Variants in NRXN3 observed in about 807,000 individuals in gnomAD.
NRXN3 encodes the protein neurexin III.
NRXN3 carries 32 observed loss-of-function variants against 137.6 expected under a neutral mutation model. That is an observed-to-expected ratio of 0.23 (90% confidence interval 0.18 to 0.31). NRXN3 has a LOEUF of 0.31. NRXN3 is among the 10% of genes least tolerant of loss of function. The pLI, the probability that NRXN3 is intolerant of heterozygous loss-of-function variation, is 1.00. For synonymous variants in NRXN3, 798 were observed against 784.5 expected (o/e 1.02, Z -0.29); for missense variants, 1,574 against 2,062.5 (o/e 0.76, Z 4.59).
intron 4 of NRXN3, among the ~76,000 whole-genome samples, chr14:78,332,465 G>A (rs1445381632): frequency 4.6e-5 from 7 of 152,008 alleles, no homozygotes; most frequent in Middle Eastern, 3.4e-3. Flanking sequence ...ACAGGTGTGC[G>A]CTACCGCACC....
At chr14:79,225,193 A>G (rs992493781) in intron 15 of NRXN3, among the ~76,000 whole-genome samples, 1 of 152,194 alleles carries the variant, frequency 6.6e-6, no homozygotes, top group African/African-American at 2.4e-5. Flanking sequence ...TGTTGCTGCC[A>G]GTTTCTATCT....
chr14:79,488,682 G>T (rs1188057404), intron 16 of NRXN3, among the ~76,000 whole-genome samples: 1 of 152,100 alleles, frequency 6.6e-6, no homozygotes, highest in Non-Finnish European at 1.5e-5. Flanking sequence ...GCAAGAATTG[G>T]GTCATTGACC....
intron 15 of NRXN3, among the ~76,000 whole-genome samples, chr14:79,221,851 G>T (rs532263058): frequency 7.2e-5 from 11 of 152,236 alleles, no homozygotes; most frequent in Admixed American, 2.0e-4. Flanking sequence ...GAATGGTATT[G>T]CCTAAGTTTT....
At chr14:79,358,617 G>GA (rs564688053) in intron 15 of NRXN3, among the ~76,000 whole-genome samples, 91 of 133,614 alleles carry the variant, frequency 6.8e-4, no homozygotes, top group Non-Finnish European at 1.3e-3. Context: ...GAGAAAGAAA[G>GA]AAAGAAAGAA....
chr14:79,467,081 G>A lies in NRXN3; in HGVS notation c.3263-140G>A, dbSNP rs563685543. Reference sequence around the variant, plus strand: ...GCTGCCTTCAGAAGCTTTGGGAGCCGTTCCTCTCAGTAACCAAATACTGTC... The same window carrying A: ...GCTGCCTTCAGAAGCTTTGGGAGCCATTCCTCTCAGTAACCAAATACTGTC... On this transcript the variant is annotated intron_variant, in intron 15 of 20. Coordinates refer to ENST00000335750, the MANE Select transcript of NRXN3 (RefSeq NM_001330195.2). The A allele has an allele frequency of 7.5e-5, 53 of 705,176 alleles. No individual in the cohort carries two copies. In the South Asian group the frequency reaches 1.0e-3, roughly 14 times the overall value. The allele number at this position is 705,176 out of a possible 1,614,324, so 43.7% of individuals were successfully genotyped here.
chr14:78,628,803 A>G (rs1450354396), intron 4 of NRXN3, among the ~76,000 whole-genome samples: 1 of 152,220 alleles, frequency 6.6e-6, no homozygotes, highest in Non-Finnish European at 1.5e-5. Flanking sequence ...TAGCAGCCAC[A>G]GAAGCCCTAG....
intron 14 of NRXN3, among the ~76,000 whole-genome samples, chr14:78,969,639 C>T (rs538735522): frequency 6.6e-6 from 1 of 152,284 alleles, no homozygotes; most frequent in African/African-American, 2.4e-5. Flanking sequence ...TAAAAGCTTC[C>T]TGTCAGCTTA....
chr14:78,304,312 AAAG>A (rs2077153327), intron 4 of NRXN3, among the ~76,000 whole-genome samples: 2 of 152,254 alleles, frequency 1.3e-5, no homozygotes, highest in Non-Finnish European at 2.9e-5. Context: ...TTGTCAGAGA[AAAG>A]AAGGACTATG....
intron 4 of NRXN3, among the ~76,000 whole-genome samples, chr14:78,519,776 G>A (rs1350547164): frequency 2.0e-5 from 3 of 151,972 alleles, no homozygotes; most frequent in African/African-American, 7.2e-5. Flanking sequence ...GGTAAATCAA[G>A]GAAATAAAGG....
intron 20 of NRXN3, among the ~76,000 whole-genome samples, chr14:79,825,570 A>G (rs1281151406): frequency 6.6e-6 from 1 of 152,182 alleles, no homozygotes; most frequent in African/African-American, 2.4e-5. Context: ...GGAAGTGAGA[A>G]ATTTAAGAAG....
intron 15 of NRXN3, among the ~76,000 whole-genome samples, chr14:79,373,344 A>G (rs2094166590): frequency 6.6e-6 from 1 of 152,222 alleles, no homozygotes; most frequent in Non-Finnish European, 1.5e-5. Flanking sequence ...CTGAATAAAA[A>G]GCAATCCCAG....
At chr14:79,037,506 G>A (rs1191998489) in intron 15 of NRXN3, among the ~76,000 whole-genome samples, 1 of 152,022 alleles carries the variant, frequency 6.6e-6, no homozygotes, top group Non-Finnish European at 1.5e-5. Flanking sequence ...ACTTAAAATC[G>A]GGGTGAAGCA....
chr14:78,950,653 G>A (rs1464570247), intron 10 of NRXN3, among the ~76,000 whole-genome samples: 1 of 151,682 alleles, frequency 6.6e-6, no homozygotes, highest in Non-Finnish European at 1.5e-5. Flanking sequence ...AAGAAGGAAG[G>A]AAGGAAAAAA....
intron 16 of NRXN3, among the ~76,000 whole-genome samples, chr14:79,568,191 C>T (rs1168710360): frequency 1.3e-5 from 2 of 152,132 alleles, no homozygotes; most frequent in Non-Finnish European, 2.9e-5. Flanking sequence ...CTCTTGTGTC[C>T]GCTCAGCTAT....
intron 4 of NRXN3, among the ~76,000 whole-genome samples, chr14:78,396,185 C>T (rs2153648005): frequency 6.6e-6 from 1 of 152,158 alleles, no homozygotes; most frequent in East Asian, 1.9e-4. Flanking sequence ...ACATGCCACA[C>T]ACACTCACAC....
chr14:78,795,855 G>GA (rs1238209119), intron 8 of NRXN3, among the ~76,000 whole-genome samples: 2 of 152,112 alleles, frequency 1.3e-5, no homozygotes, highest in Non-Finnish European at 2.9e-5. Flanking sequence ...ACAGCAAATG[G>GA]AAAAACATTT....
chr14:79,719,273 G>A lies in NRXN3; in HGVS notation c.4014+21336G>A, dbSNP rs1312588788. On this transcript the variant is annotated intron_variant, in intron 19 of 20. Transcript: ENST00000335750. Reference sequence around the variant, plus strand: ...TATATGTGTGTGTGTGTGTGTGTGTGTGTACATATATATGTATGTATGTGT... The same window carrying A: ...TATATGTGTGTGTGTGTGTGTGTGTATGTACATATATATGTATGTATGTGT... Among the ~76,000 whole-genome samples, 3 of 122,296 alleles carry A rather than the reference G, an allele frequency of 2.5e-5. No individual in the cohort carries two copies. The East Asian group carries it at 6.9e-4, about 28-fold the overall frequency. 80.2% of individuals were successfully genotyped at this position (122,296 alleles called of 152,430 possible). A position where few individuals can be genotyped will look rare whatever the true frequency, so the allele number is the denominator to read the frequency against.
At chr14:79,214,052 G>A (rs1027543650) in intron 15 of NRXN3, among the ~76,000 whole-genome samples, 2 of 152,118 alleles carry the variant, frequency 1.3e-5, no homozygotes, top group Admixed American at 6.5e-5. Context: ...ACATAGCTGT[G>A]TTCTGTCATA....
At chr14:79,779,379 C>G (rs571272411) in intron 19 of NRXN3, among the ~76,000 whole-genome samples, 26 of 152,204 alleles carry the variant, frequency 1.7e-4, no homozygotes, top group African/African-American at 5.8e-4. Flanking sequence ...TCCCAAAGTG[C>G]TGGGATTACA....
Sources: allele counts gnomAD v4.1 joint callset (sites outside exome capture counted in the v4.1 genomes callset), GRCh38; gene constraint gnomAD v4.1.1; transcripts MANE v1.5; gene names NCBI Gene and HGNC (gene_info 2026-07-23, HGNC 2026-07-21).